MTFMT: variants seen among roughly 807,000 people sequenced by gnomAD.
The protein encoded by MTFMT is mitochondrial methionyl-tRNA formyltransferase.
Under a neutral mutation model 51.8 loss-of-function variants are expected in MTFMT, and 47 were observed. That is an observed-to-expected ratio of 0.91 (90% confidence interval 0.72 to 1.16). The LOEUF (loss-of-function observed/expected upper bound fraction) is 1.16, where lower values mean the gene tolerates loss of function less well. Ranked by LOEUF, MTFMT falls within the 50% of genes most tolerant of loss-of-function variation. MTFMT has a pLI of 0.00. For missense variants in MTFMT, 512 were observed against 482.3 expected (o/e 1.06, Z -0.58); for synonymous variants, 196 against 176.7 (o/e 1.11, Z -0.87).
At chr15:65,026,809 T>C in intron 2 of MTFMT, 22 bp downstream of exon 2, 4 of 1,605,082 alleles carry the variant, frequency 2.5e-6, no homozygotes, top group Non-Finnish European at 3.4e-6. Context: ...CTATACTGTA[T>C]TTCCTTACAA....
intron 7 of MTFMT, among the ~76,000 whole-genome samples, 168 bp downstream of exon 7, chr15:65,005,945 T>C (rs1436243898): frequency 6.6e-6 from 1 of 152,158 alleles, no homozygotes; most frequent in Admixed American, 6.5e-5. Context: ...TATATGAGAA[T>C]GAGTGTTGCA....
At chr15:65,025,825 G>T (rs765667955) in intron 2 of MTFMT, among the ~76,000 whole-genome samples, 1 of 152,152 alleles carries the variant, frequency 6.6e-6, no homozygotes, top group Non-Finnish European at 1.5e-5. Context: ...ACCAATTTGG[G>T]CGTTGTCAGC....
intron 5 of MTFMT, among the ~76,000 whole-genome samples, chr15:65,019,381 A>G (rs948609208): frequency 6.6e-6 from 1 of 152,194 alleles, no homozygotes; most frequent in African/African-American, 2.4e-5. Flanking sequence ...AAGAAAAATA[A>G]AAAGTAATCC....
intron 6 of MTFMT, among the ~76,000 whole-genome samples, chr15:65,010,875 C>T (rs965771698): frequency 1.3e-5 from 2 of 152,170 alleles, no homozygotes; most frequent in African/African-American, 4.8e-5. Flanking sequence ...CTTGCCAACA[C>T]TAGTTTTTGT....
intron 8 of MTFMT, among the ~76,000 whole-genome samples, chr15:65,003,476 G>A (rs975477337): frequency 6.6e-6 from 1 of 152,136 alleles, no homozygotes; most frequent in Non-Finnish European, 1.5e-5. Flanking sequence ...GAAATTAAAA[G>A]CTTATTACCA....
At chr15:65,011,980 T>C (rs993652387) in intron 6 of MTFMT, among the ~76,000 whole-genome samples, 1 of 152,026 alleles carries the variant, frequency 6.6e-6, no homozygotes. Context: ...AGTTTTCTAG[T>C]TTTAGCTATT....
chr15:65,016,293 G>T (rs1400178950), intron 6 of MTFMT, 143 bp downstream of exon 6: 6 of 543,242 alleles, frequency 1.1e-5, no homozygotes, highest in Non-Finnish European at 2.0e-5. Context: ...TAAATTTCAG[G>T]TTTTCTAGGT....
rs1302482209 is a variant in MTFMT, at chr15:65,029,450, G to T, written c.164C>A (p.Thr55Lys). Residue 55 changes from threonine to lysine, a missense_variant, in exon 1 of 9, where the codon ACG becomes AAG. Physicochemically the swap from Thr to Lys is moderately conservative, Grantham distance 78 (BLOSUM62 -1). Coordinates refer to ENST00000220058, the MANE Select transcript of MTFMT (RefSeq NM_139242.4). Reference protein sequence around the residue: ...KPPWRVLFFGTDQFAREALRA... With the variant: ...KPPWRVLFFGKDQFAREALRA... Reference sequence around the variant, plus strand: ...CAGCGCCTCGCGGGCGAACTGGTCCGTGCCGAAGAAGAGCACCCGCCAGGG... The same window carrying T: ...CAGCGCCTCGCGGGCGAACTGGTCCTTGCCGAAGAAGAGCACCCGCCAGGG... The T allele has an allele frequency of 2.0e-6, 3 of 1,528,582 alleles. No homozygotes were observed. The highest frequency in any genetic ancestry group is 2.6e-6 in the Non-Finnish European group (3 of 1,140,388). 94.7% of individuals were successfully genotyped at this position (1,528,582 alleles called of 1,614,324 possible). A position where few individuals can be genotyped will look rare whatever the true frequency, so the allele number is the denominator to read the frequency against.
chr15:65,016,448 G>A lies in MTFMT; in HGVS notation c.801C>T (p.Ala267=). The stretch of plus-strand genomic sequence containing the variant: ...CTTCCCAACTTACTATATTTCCAAT[G>A]GCACGGTAAAGTCTGAATATTTGTT... The part of the protein sequence containing the change: ...TSEQIFRLYR[A]IGNIIPLQTL... Residue 267 remains alanine (A), a synonymous_variant, in exon 6 of 9, where the codon GCC becomes GCT. Coordinates refer to ENST00000220058, the MANE Select transcript of MTFMT (RefSeq NM_139242.4). 6.2e-7 allele frequency: 1 copy of A among 1,604,824 alleles called. No homozygotes were observed. The highest frequency in any genetic ancestry group is 8.5e-7 in the Non-Finnish European group (1 of 1,173,832).
chr15:65,021,612 C>CA lies in MTFMT; in HGVS notation c.546dup (p.Asp183Ter). 1 of 1,564,464 alleles carries CA rather than the reference C, an allele frequency of 6.4e-7. No individual in the cohort carries two copies. The highest frequency in any genetic ancestry group is 8.7e-7 in the Non-Finnish European group (1 of 1,147,612). On this transcript the variant is annotated frameshift_variant, in exon 4 of 9. Transcript: ENST00000220058. LOFTEE classifies it high-confidence loss of function. Reference sequence around the variant, plus strand: ...TCTTGTTTGAGAATTGGGCCTACATCAAACCTAGCAAAAAATCAAAAGCAA... The same window carrying CA: ...TCTTGTTTGAGAATTGGGCCTACATCAAAACCTAGCAAAAAATCAAAAGCAA...
At position 65,006,834 on chromosome 15, in the gene MTFMT, G is replaced by A. The variant is rs1017561479; in HGVS notation, c.814-643C>T. Among the ~76,000 whole-genome samples, 21 of 151,964 alleles carry A rather than the reference G, an allele frequency of 1.4e-4. No homozygotes were observed. In the South Asian group the frequency reaches 2.5e-3, roughly 18 times the overall value. ...TTCTGTATTTATTCCCATCCCTATA[G>A]GTAACGACTGTTAAGTTTGATGTGC... On this transcript the variant is annotated intron_variant, in intron 6 of 8. Transcript: ENST00000220058.
At position 65,020,204 on chromosome 15, in the gene MTFMT, C is replaced by T. The variant is rs2086360627; in HGVS notation, c.714G>A (p.Ala238=). The T allele has an allele frequency of 4.3e-6, 7 of 1,612,494 alleles. No individual in the cohort carries two copies. In the African/African-American group the frequency reaches 5.3e-5, roughly 12 times the overall value. Residue 238 remains alanine (A), a synonymous_variant, in exon 5 of 9, where the codon GCG becomes GCA. Coordinates refer to ENST00000220058, the MANE Select transcript of MTFMT (RefSeq NM_139242.4). ...TCTGCAGCCTTCACTCACCGTAAGT[C>T]GCCCCCTCCATTGGCTGCTGCCTTC... is the stretch of plus-strand genomic sequence containing the variant. ...SNGRQQPMEG[A]TYAPKISAGT...
chr15:65,011,480 GCTGT>G (rs1423274616), intron 6 of MTFMT, among the ~76,000 whole-genome samples: 3 of 127,536 alleles, frequency 2.4e-5, no homozygotes, highest in Non-Finnish European at 3.2e-5. Flanking sequence ...CATTCTGTAA[GCTGT>G]CTTTTTTTTT....
intron 8 of MTFMT, among the ~76,000 whole-genome samples, chr15:65,003,624 A>G (rs2086195641): frequency 6.6e-6 from 1 of 152,182 alleles, no homozygotes; most frequent in Non-Finnish European, 1.5e-5. Context: ...TGGGAGGCCG[A>G]GGCGGGTGGA....
At chr15:65,006,319 T>C (rs1240818665) in intron 6 of MTFMT, 128 bp from the exon 7 acceptor site, 7 of 663,250 alleles carry the variant, frequency 1.1e-5, no homozygotes, top group South Asian at 3.1e-5. Context: ...GTCACTAAGT[T>C]TGATGGAACA....
In MTFMT at chr15:65,002,962, C is replaced by CAAAA. The variant is rs398027674; in HGVS notation, c.*96_*99dup. On this transcript the variant is annotated 3_prime_UTR_variant, in exon 9 of 9. Coordinates refer to ENST00000220058, the MANE Select transcript of MTFMT (RefSeq NM_139242.4). Reference sequence around the variant, plus strand: ...TGGGTGACAGAGTGAGACTCTGTCTCAAAAAAAAAAAAAAAAAAAAAAGTC... The same window carrying CAAAA: ...TGGGTGACAGAGTGAGACTCTGTCTCAAAAAAAAAAAAAAAAAAAAAAAAAAGTC... 2.3e-3 allele frequency: 762 copies of CAAAA among 324,982 alleles called. No individual in the cohort carries two copies. Among genetic ancestry groups the CAAAA allele is most frequent in the South Asian group, 4.2e-3 (50 of 11,820 alleles). The allele number at this position is 324,982 out of a possible 1,614,324, so 20.1% of individuals were successfully genotyped here.
chr15:65,021,938 T>G (rs945659313), intron 3 of MTFMT, among the ~76,000 whole-genome samples: 4 of 152,220 alleles, frequency 2.6e-5, no homozygotes, highest in African/African-American at 9.7e-5. Flanking sequence ...GAGTCTAAAT[T>G]TATTTTTCCC....
chr15:65,006,409 G>A (rs564006081), intron 6 of MTFMT, among the ~76,000 whole-genome samples: 3 of 143,072 alleles, frequency 2.1e-5, no homozygotes, highest in African/African-American at 5.2e-5. Context: ...ACGGAGTCTC[G>A]TTGTGTCACC....
chr15:65,021,433 C>A, intron 4 of MTFMT, 81 bp downstream of exon 4: 2 of 1,040,786 alleles, frequency 1.9e-6, no homozygotes, highest in Non-Finnish European at 1.5e-6. Flanking sequence ...AATTAGAAGT[C>A]ACAAAATTGT....
Sources: gnomAD v4.1 joint callset for allele counts (sites outside exome capture counted in the v4.1 genomes callset) on GRCh38, gnomAD v4.1.1 for gene constraint, MANE v1.5 for transcripts, NCBI Gene and HGNC (gene_info 2026-07-23, HGNC 2026-07-21) for gene names.